The following SNTG2 variants were observed in gnomAD, a reference collection of about 807,000 sequenced individuals.
SNTG2 encodes the protein gamma-2-syntrophin.
A neutral mutation model predicts 70.9 loss-of-function variants in SNTG2; 74 were observed. The observed-to-expected ratio is 1.04, with a 90% CI of 0.86 to 1.27. The LOEUF (loss-of-function observed/expected upper bound fraction) is 1.27, where lower values mean the gene tolerates loss of function less well. Ranked by LOEUF, SNTG2 falls within the 50% of genes most tolerant of loss-of-function variation. The probability of loss-of-function intolerance (pLI) is 0.00; values close to 1 mark genes in which losing one functional copy is unlikely to be tolerated. For synonymous variants in SNTG2, 278 were observed against 273.8 expected (o/e 1.02, Z -0.15); for missense variants, 717 against 690.7 (o/e 1.04, Z -0.43).
chr2:1,023,122 A>G (rs868726975), intron 1 of SNTG2, among the ~76,000 whole-genome samples: 2 of 151,610 alleles, frequency 1.3e-5, no homozygotes, highest in African/African-American at 4.8e-5. Flanking sequence ...TTAACCCACT[A>G]TCAGTAGATA....
chr2:951,129 T>C (rs1190317227), intron 1 of SNTG2, 61 bp downstream of exon 1: 2 of 735,782 alleles, frequency 2.7e-6, no homozygotes, highest in Non-Finnish European at 1.9e-6. Flanking sequence ...CTTCGCGCCC[T>C]TCTCCCCCCG....
At chr2:1,180,860 C>T (rs1671836634) in intron 8 of SNTG2, among the ~76,000 whole-genome samples, 1 of 152,026 alleles carries the variant, frequency 6.6e-6, no homozygotes, top group Middle Eastern at 3.2e-3. Context: ...AAATGTGGCA[C>T]ATATGCACCA....
chr2:1,080,287 C>T (rs1057167893), intron 1 of SNTG2, among the ~76,000 whole-genome samples: 4 of 152,176 alleles, frequency 2.6e-5, no homozygotes, highest in African/African-American at 9.7e-5. Flanking sequence ...ATGATATGGC[C>T]TCTGTATGCA....
At chr2:1,306,961 T>C (rs990420006) in intron 14 of SNTG2, among the ~76,000 whole-genome samples, 2 of 151,768 alleles carry the variant, frequency 1.3e-5, no homozygotes, top group African/African-American at 4.8e-5. Context: ...TGTGTGGGTG[T>C]GAGCCGGGCA....
intron 16 of SNTG2, among the ~76,000 whole-genome samples, chr2:1,332,455 C>T (rs1443538542): frequency 6.6e-6 from 1 of 152,046 alleles, no homozygotes; most frequent in Non-Finnish European, 1.5e-5. Context: ...AATGCCAAAA[C>T]CAGGAAAAGA....
At chr2:953,294 T>C (rs1447700796) in intron 1 of SNTG2, among the ~76,000 whole-genome samples, 2 of 152,266 alleles carry the variant, frequency 1.3e-5, no homozygotes, top group Non-Finnish European at 2.9e-5. Context: ...GTCTTGCTTG[T>C]AGCTTCAAAG....
chr2:1,275,914 C>T (rs7369772), intron 14 of SNTG2, among the ~76,000 whole-genome samples: 19,673 of 152,196 alleles, frequency 0.13, 1,372 homozygotes, highest in African/African-American at 0.19. Flanking sequence ...ACTGCTGCTA[C>T]GAAGAAAGTT....
chr2:1,182,443 G>A (rs771413317), intron 8 of SNTG2, among the ~76,000 whole-genome samples: 2 of 148,064 alleles, frequency 1.4e-5, no homozygotes, highest in Non-Finnish European at 3.0e-5. Flanking sequence ...TAGGAAAAAA[G>A]TCTCAAAACA....
At chr2:1,160,215 A>G (rs925899658) in intron 6 of SNTG2, 2 of 152,194 alleles carry the variant, frequency 1.3e-5, no homozygotes, top group Non-Finnish European at 2.9e-5. Context: ...TACATTGTAT[A>G]TCTGATCAAT....
chr2:1,120,209 A>T lies in SNTG2; in HGVS notation c.326-17413A>T, dbSNP rs573230037. ...AAATGGCATTTGTCATTCTTTATCA[A>T]TAATCGCCTTGAATATTACAAAACA... On this transcript the variant is annotated intron_variant, in intron 4 of 16. Transcript: ENST00000308624. 3.9e-5 allele frequency among the ~76,000 whole-genome samples: 6 copies of T among 152,312 alleles called. No individual in the cohort carries two copies. In the East Asian group the frequency reaches 9.6e-4, roughly 24 times the overall value.
At chr2:1,164,918 C>T (rs952311180) in intron 6 of SNTG2, among the ~76,000 whole-genome samples, 28 of 152,242 alleles carry the variant, frequency 1.8e-4, no homozygotes, top group African/African-American at 6.8e-4. Flanking sequence ...ACACACACAG[C>T]TTTGCAGCAT....
In SNTG2 at chr2:1,255,935, AAT is replaced by A. The variant is rs66538518; in HGVS notation, c.1006-3421_1006-3420del. Among the ~76,000 whole-genome samples the A allele has an allele frequency of 6.4e-3, 373 of 57,892 alleles. 8 individuals are homozygous for A. Among genetic ancestry groups the A allele is most frequent in the African/African-American group, 0.033 (337 of 10,216 alleles). The allele number at this position is 57,892 out of a possible 152,430, so 38.0% of individuals were successfully genotyped here. A position where few individuals can be genotyped will look rare whatever the true frequency, so the allele number is the denominator to read the frequency against. ...ATATATATAAATATATAAATATATA[AAT>A]ATATATATATATAACTACATGTGTT... On this transcript the variant is annotated intron_variant, in intron 12 of 16. Coordinates refer to ENST00000308624, the MANE Select transcript of SNTG2 (RefSeq NM_018968.4).
intron 1 of SNTG2, among the ~76,000 whole-genome samples, chr2:1,051,824 A>G (rs989636963): frequency 1.3e-5 from 2 of 152,216 alleles, no homozygotes; most frequent in African/African-American, 4.8e-5. Context: ...CAGTCTCTGC[A>G]GGACCCGGAG....
chr2:1,351,634 C>A (rs1660586413), intron 16 of SNTG2, among the ~76,000 whole-genome samples: 1 of 152,144 alleles, frequency 6.6e-6, no homozygotes, highest in South Asian at 2.1e-4. Context: ...GTCATCTACC[C>A]ACTCGGCCGC....
rs146450185 is a variant in SNTG2, at chr2:1,264,077, A to G, written c.1078-3288A>G. Among the ~76,000 whole-genome samples, 33 of 152,364 alleles carry G rather than the reference A, an allele frequency of 2.2e-4. 1 individual carries two copies. In the East Asian group the frequency reaches 6.2e-3, roughly 28 times the overall value. ...TTTTTGAAAACAATTTAACAATTGTAAAAACCTCTTAAGACAAACTGTGTA... is the reference window on the plus strand; with the variant it reads ...TTTTTGAAAACAATTTAACAATTGTGAAAACCTCTTAAGACAAACTGTGTA... On this transcript the variant is annotated intron_variant, in intron 13 of 16. Transcript: ENST00000308624.
intron 12 of SNTG2, among the ~76,000 whole-genome samples, chr2:1,253,015 G>A (rs564421432): frequency 6.6e-6 from 1 of 152,118 alleles, no homozygotes; most frequent in East Asian, 1.9e-4. Flanking sequence ...TTATGTTAAG[G>A]TTTTAACATC....
chr2:1,065,559 G>A (rs1175505105), intron 1 of SNTG2, among the ~76,000 whole-genome samples: 1 of 152,108 alleles, frequency 6.6e-6, no homozygotes, highest in Non-Finnish European at 1.5e-5. Flanking sequence ...GATGATGTTT[G>A]TTATATATGT....
chr2:1,215,800 C>T (rs949825307), intron 9 of SNTG2, among the ~76,000 whole-genome samples: 10 of 149,708 alleles, frequency 6.7e-5, no homozygotes, highest in Non-Finnish European at 1.2e-4. Flanking sequence ...TGAGAACATG[C>T]AGTGTTTGGT....
intron 4 of SNTG2, among the ~76,000 whole-genome samples, chr2:1,128,330 CT>C (rs1667826691): frequency 6.6e-6 from 1 of 151,904 alleles, no homozygotes; most frequent in Non-Finnish European, 1.5e-5. Flanking sequence ...GACAAAATTG[CT>C]TTTTAAAAAT....
Sources: gnomAD v4.1 joint callset for allele counts (sites outside exome capture counted in the v4.1 genomes callset) on GRCh38, gnomAD v4.1.1 for gene constraint, MANE v1.5 for transcripts, NCBI Gene and HGNC (gene_info 2026-07-23, HGNC 2026-07-21) for gene names.